Variants in TBC1D32 observed in about 807,000 individuals in gnomAD.
TBC1D32 encodes TBC1 domain family member 32, also known as protein broad-minded.
In TBC1D32, 151 loss-of-function variants were observed where a neutral mutation model predicts 170.3. The ratio of observed to expected loss-of-function variants is 0.89; its 90% CI spans 0.78 to 1.01. The LOEUF is 1.01. Ranked by LOEUF, TBC1D32 falls within the 50% of genes least tolerant of loss-of-function variation. The pLI is 0.00. For missense variants in TBC1D32, 1,464 were observed against 1,457.1 expected, an observed-to-expected ratio of 1.00 and a Z score of -0.08; for synonymous variants, 498 against 488.0, an observed-to-expected ratio of 1.02 and a Z score of -0.27.
At chr6:121,297,422 T>C (rs749832345) in intron 10 of TBC1D32, among the ~76,000 whole-genome samples, 34 of 152,226 alleles carry the variant, frequency 2.2e-4, no homozygotes, top group Admixed American at 7.9e-4. Context: ...CGTCAAGTCA[T>C]TTTTAAAATG....
chr6:121,096,322 TA>T (rs1301416388), intron 30 of TBC1D32: 1 of 152,118 alleles, frequency 6.6e-6, no homozygotes, highest in Non-Finnish European at 1.5e-5. Context: ...AAAATCTCCT[TA>T]AGCTGATAAG....
chr6:121,155,982 T>G (rs892929201), intron 24 of TBC1D32, among the ~76,000 whole-genome samples: 3 of 152,092 alleles, frequency 2.0e-5, no homozygotes, highest in African/African-American at 2.4e-5. Context: ...GTTTCTTTTT[T>G]TGTTGTCTCT....
intron 15 of TBC1D32, among the ~76,000 whole-genome samples, chr6:121,265,556 A>C (rs1387801377): frequency 6.7e-6 from 1 of 149,392 alleles, no homozygotes; most frequent in African/African-American, 2.4e-5. Context: ...ATTAGAAAAA[A>C]AACTACTTAA....
intron 22 of TBC1D32, among the ~76,000 whole-genome samples, chr6:121,182,850 A>T (rs1788706359): frequency 6.6e-6 from 1 of 152,082 alleles, no homozygotes; most frequent in Non-Finnish European, 1.5e-5. Flanking sequence ...GGCTGAAAAA[A>T]AAAGTCAACA....
chr6:121,183,076 G>A lies in TBC1D32; in HGVS notation c.2570+21999C>T, dbSNP rs117275246. Among the ~76,000 whole-genome samples the A allele has an allele frequency of 2.0e-3, 302 of 152,038 alleles. 7 individuals carry two copies. In the East Asian group the frequency reaches 0.049, roughly 24 times the overall value. On this transcript the variant is annotated intron_variant, in intron 22 of 31. Coordinates refer to ENST00000398212, the MANE Select transcript of TBC1D32 (RefSeq NM_152730.6). ...TTTGTGAGTGTGTGTAAATACACCA[G>A]AGCATCTCTATGTATGTGTCTCTTA...
chr6:121,267,728 C>A (rs548262984), intron 15 of TBC1D32, among the ~76,000 whole-genome samples: 1 of 152,294 alleles, frequency 6.6e-6, no homozygotes, highest in Admixed American at 6.5e-5. Context: ...CTTCTGCAGA[C>A]TTAAATGTCC....
chr6:121,254,230 G>T (rs1798671068), intron 17 of TBC1D32, among the ~76,000 whole-genome samples: 1 of 152,084 alleles, frequency 6.6e-6, no homozygotes, highest in Non-Finnish European at 1.5e-5. Context: ...GACTCTGCGG[G>T]TACAGAAGGA....
At chr6:121,197,262 C>T (rs1453900682) in intron 22 of TBC1D32, among the ~76,000 whole-genome samples, 2 of 152,140 alleles carry the variant, frequency 1.3e-5, no homozygotes, top group East Asian at 3.9e-4. Context: ...TGGGAAACTA[C>T]AACAGCCCAA....
chr6:121,257,479 A>ATT (rs151050140), intron 15 of TBC1D32, among the ~76,000 whole-genome samples: 10 of 152,130 alleles, frequency 6.6e-5, no homozygotes, highest in African/African-American at 2.4e-4. Flanking sequence ...CCAAATTACG[A>ATT]TTTTTCTGAT....
chr6:121,170,519 C>A, intron 22 of TBC1D32: 2 of 1,545,806 alleles, frequency 1.3e-6, no homozygotes, highest in East Asian at 2.3e-5. Flanking sequence ...GCATATCACA[C>A]TTAATAACCT....
intron 1 of TBC1D32, 137 bp downstream of exon 1, chr6:121,334,139 T>C (rs1323776759): frequency 1.5e-6 from 1 of 677,338 alleles, no homozygotes; most frequent in Non-Finnish European, 2.4e-6. Flanking sequence ...TTCGACGTTT[T>C]GGCAAATAAG....
At chr6:121,107,402 A>C (rs1251910817) in intron 29 of TBC1D32, among the ~76,000 whole-genome samples, 2 of 151,928 alleles carry the variant, frequency 1.3e-5, no homozygotes, top group African/African-American at 4.8e-5. Flanking sequence ...ATATTTATGT[A>C]AATGTATATT....
intron 26 of TBC1D32, 71 bp downstream of exon 26, chr6:121,126,307 A>C: frequency 8.6e-7 from 1 of 1,158,644 alleles, no homozygotes; most frequent in Non-Finnish European, 1.2e-6. Context: ...CTGTAATATC[A>C]TTACACATCT....
chr6:121,159,905 T>C (rs1261122601), intron 24 of TBC1D32, 105 bp downstream of exon 24: 1 of 753,664 alleles, frequency 1.3e-6, no homozygotes, highest in Non-Finnish European at 2.2e-6. Context: ...CACACATGTA[T>C]ACATGCTAAA....
At chr6:121,289,942 A>C (rs984598977) in intron 12 of TBC1D32, among the ~76,000 whole-genome samples, 6 of 152,244 alleles carry the variant, frequency 3.9e-5, no homozygotes, top group South Asian at 2.1e-4. Flanking sequence ...AACTGGATAG[A>C]CATATGTAGA....
chr6:121,126,368 TA>T lies in TBC1D32; in HGVS notation c.2983+9del, dbSNP rs1780852869. The T allele has an allele frequency of 6.3e-7, 1 of 1,598,864 alleles. No homozygotes were observed. The highest frequency in any genetic ancestry group is 1.7e-5 in the Admixed American group (1 of 57,790). On this transcript the variant is annotated intron_variant, in intron 26 of 31. Coordinates refer to ENST00000398212, the MANE Select transcript of TBC1D32 (RefSeq NM_152730.6). ...AGTCTTTTTCAAACTTCACAATGTT[TA>T]AAATGTACCTGTATACTCCACTGAA...
intron 12 of TBC1D32, among the ~76,000 whole-genome samples, chr6:121,290,903 A>G (rs1804738300): frequency 6.6e-6 from 1 of 152,152 alleles, no homozygotes; most frequent in Non-Finnish European, 1.5e-5. Context: ...CTCAAGGACA[A>G]AAAAACCAAA....
chr6:121,170,357 A>T (rs56183387), intron 22 of TBC1D32: 19,180 of 1,508,872 alleles, frequency 0.013, 191 homozygotes, highest in South Asian at 0.04. Flanking sequence ...TTAACAAAAC[A>T]TCTCTAAAGA....
intron 3 of TBC1D32, among the ~76,000 whole-genome samples, chr6:121,311,620 C>T (rs1808217893): frequency 1.3e-5 from 2 of 151,548 alleles, no homozygotes; most frequent in African/African-American, 2.4e-5. Flanking sequence ...CCCAGCTACT[C>T]GGGAGGCCGA....
Sources: allele counts gnomAD v4.1 joint callset (sites outside exome capture counted in the v4.1 genomes callset), GRCh38; gene constraint gnomAD v4.1.1; transcripts MANE v1.5; gene names NCBI Gene and HGNC (gene_info 2026-07-23, HGNC 2026-07-21).